SEL1L3: variants seen among roughly 807,000 people sequenced by gnomAD.
The protein encoded by SEL1L3 is protein sel-1 homolog 3.
SEL1L3 carries 76 observed loss-of-function variants against 142.8 expected under a neutral mutation model. The ratio of observed to expected loss-of-function variants is 0.53; its 90% CI spans 0.44 to 0.64. SEL1L3 has a LOEUF of 0.64. Among genes scored for constraint, SEL1L3 ranks in the 30% least tolerant of loss-of-function variants. SEL1L3 has a pLI of 0.00. For missense variants in SEL1L3, 1,262 were observed against 1,381.7 expected (o/e 0.91, Z 1.37); for synonymous variants, 504 against 519.6 (o/e 0.97, Z 0.41).
chr4:25,772,811 T>A (rs11946148), intron 17 of SEL1L3, among the ~76,000 whole-genome samples: 14,217 of 152,164 alleles, frequency 0.093, 800 homozygotes, highest in African/African-American at 0.14. Flanking sequence ...TTATTTATTT[T>A]TTTTGAAAGG....
chr4:25,792,719 T>C (rs1712441127), intron 11 of SEL1L3, among the ~76,000 whole-genome samples: 1 of 152,230 alleles, frequency 6.6e-6, no homozygotes, highest in East Asian at 1.9e-4. Flanking sequence ...GCAGATGCCA[T>C]GCTAAACTCC....
intron 10 of SEL1L3, among the ~76,000 whole-genome samples, chr4:25,803,475 A>C (rs544196490): frequency 6.6e-6 from 1 of 152,364 alleles, no homozygotes; most frequent in South Asian, 2.1e-4. Flanking sequence ...GAAAACGAAA[A>C]GCAATCAGGG....
At chr4:25,794,370 T>C (rs896676381) in intron 11 of SEL1L3, among the ~76,000 whole-genome samples, 1 of 152,118 alleles carries the variant, frequency 6.6e-6, no homozygotes, top group Non-Finnish European at 1.5e-5. Context: ...GCAAAGGACA[T>C]GAACAGACAC....
chr4:25,832,925 G>T, intron 5 of SEL1L3, 70 bp downstream of exon 5: 1 of 956,298 alleles, frequency 1.0e-6, no homozygotes. Context: ...TTGCTCCCCG[G>T]CTTTATAGCA....
At chr4:25,829,330 T>A (rs1188478274) in intron 6 of SEL1L3, among the ~76,000 whole-genome samples, 2 of 152,226 alleles carry the variant, frequency 1.3e-5, no homozygotes, top group East Asian at 3.8e-4. Context: ...TGGGATTACA[T>A]CCTAATAAAC....
the SEL1L3 span, among the ~76,000 whole-genome samples, chr4:25,739,658 G>T: frequency 1.3e-5 from 2 of 150,984 alleles, no homozygotes; most frequent in Admixed American, 6.6e-5. Flanking sequence ...AGTGATCCAA[G>T]ATCGCACCAC....
At chr4:25,846,044 T>C (rs1227106671) in intron 2 of SEL1L3, among the ~76,000 whole-genome samples, 1 of 152,208 alleles carries the variant, frequency 6.6e-6, no homozygotes, top group Non-Finnish European at 1.5e-5. Flanking sequence ...AACAAGCATT[T>C]GTGATTCTGT....
chr4:25,740,980 T>C, the SEL1L3 span, among the ~76,000 whole-genome samples: 1 of 152,076 alleles, frequency 6.6e-6, no homozygotes, highest in Non-Finnish European at 1.5e-5. Flanking sequence ...AGATGGGGTT[T>C]CACCATGTTG....
At chr4:25,767,905 C>T (rs1718864963) in intron 17 of SEL1L3, 75 bp from the exon 18 acceptor site, 3 of 879,186 alleles carry the variant, frequency 3.4e-6, no homozygotes, top group Non-Finnish European at 5.3e-6. Flanking sequence ...TACATTCAAA[C>T]ATAAGAGGGC....
intron 23 of SEL1L3, chr4:25,757,028 G>A: frequency 5.7e-6 from 6 of 1,044,764 alleles, no homozygotes; most frequent in Non-Finnish European, 7.2e-6. Context: ...AGCACTTCAG[G>A]AGGATGAGGC....
chr4:25,825,832 G>A (rs1715062958), intron 6 of SEL1L3, among the ~76,000 whole-genome samples: 1 of 151,740 alleles, frequency 6.6e-6, no homozygotes, highest in African/African-American at 2.4e-5. Flanking sequence ...GCGCCACCAC[G>A]CCCAGCTAAT....
chr4:25,784,165 C>T (rs371986277), intron 14 of SEL1L3, 63 bp downstream of exon 14: 40 of 1,323,158 alleles, frequency 3.0e-5, no homozygotes, highest in East Asian at 3.0e-4. Flanking sequence ...CTCTTTTAGA[C>T]GTGCGAGAGC....
rs201757992 is a variant in SEL1L3 at position 25,819,873 on chromosome 4, T to C, written c.1358A>G (p.Glu453Gly). The C allele has an allele frequency of 1.8e-4, 287 of 1,613,332 alleles. 1 individual carries two copies. The highest frequency in any genetic ancestry group is 2.1e-4 in the Non-Finnish European group (248 of 1,179,606). Residue 453 changes from glutamate (E) to glycine (G), a missense_variant, in exon 8 of 24, where the codon GAG becomes GGG. Glu to Gly is a moderately conservative substitution (Grantham distance 98, BLOSUM62 -2). Around this residue, in one of 3 missense-constraint regions of SEL1L3, gnomAD observed 689 missense variants for 692.8 expected, o/e 0.99. Transcript: ENST00000399878. ...QIKLYYERCA[E>G]VQEIVSVYAS... Reference sequence around the variant, plus strand: ...ATACACAGATACTATTTCTTGAACCTCAGCACACCTTTCATAATATAACTT... The same window carrying C: ...ATACACAGATACTATTTCTTGAACCCCAGCACACCTTTCATAATATAACTT...
At chr4:25,814,797 G>T (rs761178135) in intron 9 of SEL1L3, among the ~76,000 whole-genome samples, 5 of 148,386 alleles carry the variant, frequency 3.4e-5, no homozygotes, top group Non-Finnish European at 6.0e-5. Flanking sequence ...CAAAATCAAG[G>T]TTTTTTTTTT....
intron 17 of SEL1L3, chr4:25,773,647 T>C (rs1167046053): frequency 1.3e-5 from 2 of 152,164 alleles, no homozygotes; most frequent in African/African-American, 4.8e-5. Flanking sequence ...AAATGATCAA[T>C]GCCTCCCCAC....
At chr4:25,845,488 C>G (rs1219420970) in intron 2 of SEL1L3, among the ~76,000 whole-genome samples, 1 of 152,120 alleles carries the variant, frequency 6.6e-6, no homozygotes, top group Non-Finnish European at 1.5e-5. Context: ...AGAGTGAAAC[C>G]CTGTCTCAAA....
intron 9 of SEL1L3, among the ~76,000 whole-genome samples, chr4:25,813,484 G>T (rs1714167213): frequency 6.6e-6 from 1 of 152,172 alleles, no homozygotes; most frequent in African/African-American, 2.4e-5. Flanking sequence ...ATACCAAGTG[G>T]TATTAGATAT....
chr4:25,765,696 C>T (rs543706225), intron 19 of SEL1L3, among the ~76,000 whole-genome samples: 6 of 152,088 alleles, frequency 3.9e-5, no homozygotes, highest in African/African-American at 9.6e-5. Flanking sequence ...TGGAATACAG[C>T]GGTGAGATCA....
At chr4:25,853,818 T>C (rs927665124) in intron 1 of SEL1L3, among the ~76,000 whole-genome samples, 11 of 152,010 alleles carry the variant, frequency 7.2e-5, no homozygotes, top group African/African-American at 2.7e-4. Context: ...ATCACAGGCA[T>C]GTGCCAACAT....
Sources: allele counts gnomAD v4.1 joint callset (sites outside exome capture counted in the v4.1 genomes callset), GRCh38; gene constraint gnomAD v4.1.1; regional missense constraint gnomAD v4.1.1; transcripts MANE v1.5; gene names NCBI Gene and HGNC (gene_info 2026-07-23, HGNC 2026-07-21).